The following RFTN2 variants were observed in gnomAD, a reference collection of about 807,000 sequenced individuals.
The protein encoded by RFTN2 is raftlin-2.
In RFTN2, 34 loss-of-function variants were observed where a neutral mutation model predicts 52.7. That is an observed-to-expected ratio of 0.64 (90% confidence interval 0.49 to 0.86). The LOEUF is 0.86. Among genes scored for constraint, RFTN2 ranks in the 40% least tolerant of loss-of-function variants. The probability of loss-of-function intolerance (pLI) is 0.00; values close to 1 mark genes in which losing one functional copy is unlikely to be tolerated. For synonymous variants in RFTN2, 203 were observed against 217.7 expected (o/e 0.93, Z 0.59); for missense variants, 536 against 600.1 (o/e 0.89, Z 1.12).
At chr2:197,617,572 T>C (rs1316431734) in intron 6 of RFTN2, among the ~76,000 whole-genome samples, 1 of 151,844 alleles carries the variant, frequency 6.6e-6, no homozygotes, top group Non-Finnish European at 1.5e-5. Flanking sequence ...CCCAGCTACC[T>C]GGGAGGCTGA....
intron 7 of RFTN2, among the ~76,000 whole-genome samples, chr2:197,606,118 T>C (rs1440024335): frequency 1.3e-5 from 2 of 152,306 alleles, no homozygotes; most frequent in Middle Eastern, 3.4e-3. Flanking sequence ...ACCATTGTAA[T>C]AGCTGAGACT....
At chr2:197,616,244 T>C (rs949970507) in intron 6 of RFTN2, among the ~76,000 whole-genome samples, 3 of 135,582 alleles carry the variant, frequency 2.2e-5, no homozygotes, top group African/African-American at 8.3e-5. Flanking sequence ...ATTTAATACA[T>C]GGGGTTGGGG....
intron 5 of RFTN2, among the ~76,000 whole-genome samples, chr2:197,620,454 T>C (rs2088244077): frequency 6.6e-6 from 1 of 152,214 alleles, no homozygotes; most frequent in Admixed American, 6.5e-5. Context: ...GTTTCCCTGG[T>C]TGACAGCTCT....
chr2:197,622,946 C>G (rs550599509), intron 5 of RFTN2, among the ~76,000 whole-genome samples: 1 of 152,144 alleles, frequency 6.6e-6, no homozygotes, highest in Non-Finnish European at 1.5e-5. Context: ...AAAAAAGATG[C>G]CTTTCAAAAT....
At chr2:197,630,633 A>G (rs967284971) in intron 5 of RFTN2, among the ~76,000 whole-genome samples, 2 of 152,222 alleles carry the variant, frequency 1.3e-5, no homozygotes, top group African/African-American at 4.8e-5. Context: ...TACATGGTAG[A>G]TAGTGTTCAA....
At chr2:197,650,752 T>C (rs2088814730) in intron 1 of RFTN2, among the ~76,000 whole-genome samples, 1 of 152,240 alleles carries the variant, frequency 6.6e-6, no homozygotes, top group South Asian at 2.1e-4. Context: ...GCTATTAATA[T>C]GGGTGTGTAA....
intron 8 of RFTN2, among the ~76,000 whole-genome samples, chr2:197,579,746 A>C: frequency 6.6e-6 from 1 of 151,186 alleles, no homozygotes; most frequent in Non-Finnish European, 1.5e-5. Flanking sequence ...GACCCATCTG[A>C]CCTCTCCCTT....
chr2:197,675,276 T>C, intron 1 of RFTN2, 44 bp downstream of exon 1: 1 of 1,475,268 alleles, frequency 6.8e-7, no homozygotes, highest in South Asian at 1.4e-5. Context: ...ACTAGTAGTC[T>C]CATCTCTGAA....
intron 8 of RFTN2, among the ~76,000 whole-genome samples, chr2:197,578,594 G>C (rs2087456450): frequency 1.3e-5 from 2 of 152,066 alleles, no homozygotes; most frequent in African/African-American, 4.8e-5. Flanking sequence ...CTGCCCGCCA[G>C]AGAACAACCC....
chr2:197,654,968 G>C (rs2088874642), intron 1 of RFTN2, among the ~76,000 whole-genome samples: 1 of 152,142 alleles, frequency 6.6e-6, no homozygotes, highest in Non-Finnish European at 1.5e-5. Flanking sequence ...CTGCACTCCA[G>C]CCTGGCCACA....
intron 1 of RFTN2, among the ~76,000 whole-genome samples, chr2:197,650,990 G>A (rs2088818016): frequency 6.6e-6 from 1 of 152,170 alleles, no homozygotes; most frequent in South Asian, 2.1e-4. Flanking sequence ...GGTATAAGGT[G>A]ATAACTTATT....
intron 8 of RFTN2, among the ~76,000 whole-genome samples, chr2:197,575,401 G>C (rs2087395127): frequency 1.3e-5 from 2 of 152,200 alleles, no homozygotes; most frequent in South Asian, 4.1e-4. Context: ...ATGTCTTCAA[G>C]GGTGAAGTGG....
Position 197,646,463 on chromosome 2 carries a change from T to G in RFTN2, c.323+20A>C. ...AGAACTGTCACCCTCACCTGCCTCT[T>G]TCTTGAATAGTGTGCTTACCTTAAT... On this transcript the variant is annotated intron_variant, in intron 2 of 8. Coordinates refer to ENST00000295049, the MANE Select transcript of RFTN2 (RefSeq NM_144629.3). The G allele has an allele frequency of 6.3e-7, 1 of 1,598,096 alleles. No individual in the cohort carries two copies. The highest frequency in any genetic ancestry group is 1.1e-5 in the South Asian group (1 of 87,740).
At chr2:197,637,310 G>C (rs1243747324) in intron 3 of RFTN2, among the ~76,000 whole-genome samples, 1 of 152,154 alleles carries the variant, frequency 6.6e-6, no homozygotes, top group African/African-American at 2.4e-5. Flanking sequence ...GTTTCAGAAG[G>C]AATGGTACCA....
chr2:197,578,763 G>A (rs1011531320), intron 8 of RFTN2, among the ~76,000 whole-genome samples: 4 of 152,132 alleles, frequency 2.6e-5, no homozygotes, highest in Non-Finnish European at 2.9e-5. Context: ...CTCTTCACAC[G>A]GATGCGCATG....
chr2:197,671,828 CT>C (rs1190044356), intron 1 of RFTN2, among the ~76,000 whole-genome samples: 5 of 152,096 alleles, frequency 3.3e-5, no homozygotes, highest in African/African-American at 1.2e-4. Flanking sequence ...ATTGTAGAAC[CT>C]CTTTTTACTC....
chr2:197,624,881 G>A (rs535487689), intron 5 of RFTN2, among the ~76,000 whole-genome samples: 12 of 152,172 alleles, frequency 7.9e-5, no homozygotes, highest in Admixed American at 2.0e-4. Flanking sequence ...CCTGGGAGGC[G>A]GAGGTTGCAG....
intron 5 of RFTN2, among the ~76,000 whole-genome samples, chr2:197,626,306 C>G (rs1430416161): frequency 6.6e-6 from 1 of 152,022 alleles, no homozygotes; most frequent in East Asian, 1.9e-4. Context: ...TGGCTCACAC[C>G]TGGAATCCCA....
At chr2:197,575,778 CTATATATAATATATTA>C (rs2087401152) in intron 8 of RFTN2, among the ~76,000 whole-genome samples, 2 of 98,672 alleles carry the variant, frequency 2.0e-5, no homozygotes, top group Non-Finnish European at 4.3e-5. Flanking sequence ...AATATATATT[CTATATATAATATATTA>C]TATATATTTT....
Sources: gnomAD v4.1 joint callset for allele counts (sites outside exome capture counted in the v4.1 genomes callset) on GRCh38, gnomAD v4.1.1 for gene constraint, MANE v1.5 for transcripts, NCBI Gene and HGNC (gene_info 2026-07-23, HGNC 2026-07-21) for gene names.